The following MYO5B variants were observed in gnomAD, a reference collection of about 807,000 sequenced individuals.
The protein encoded by MYO5B is myosin VB.
Under a neutral mutation model 229.3 loss-of-function variants are expected in MYO5B, and 143 were observed. That is an observed-to-expected ratio of 0.62 (90% CI 0.54 to 0.72). The LOEUF (loss-of-function observed/expected upper bound fraction) is 0.72, where lower values mean the gene tolerates loss of function less well. MYO5B is among the 30% of genes least tolerant of loss of function. MYO5B has a pLI of 0.00. For missense variants in MYO5B, 2,321 were observed against 2,331.0 expected, an observed-to-expected ratio of 1.00 and a Z score of 0.09; for synonymous variants, 918 against 885.2, an observed-to-expected ratio of 1.04 and a Z score of -0.66.
At chr18:49,937,188 C>G in intron 15 of MYO5B, 57 bp downstream of exon 15, 1 of 1,601,802 alleles carries the variant, frequency 6.2e-7, no homozygotes, top group Non-Finnish European at 8.6e-7. Flanking sequence ...CCTTCATCTA[C>G]AGAGAGGCCA....
At chr18:50,106,465 G>A (rs1256827893) in intron 1 of MYO5B, among the ~76,000 whole-genome samples, 1 of 152,186 alleles carries the variant, frequency 6.6e-6, no homozygotes, top group African/African-American at 2.4e-5. Context: ...CTGTCCAGAG[G>A]TTTCTGCCTA....
In MYO5B at chr18:49,863,334, A is replaced by C. The variant is rs2024354490; in HGVS notation, c.3844-7T>G. ...TGGCATTAATGTTCGGCTCCTAGAA[A>C]GCCCCAGATAAAAAAATAACTCTGG... On this transcript the variant is annotated splice_region_variant and splice_polypyrimidine_tract_variant and intron_variant, in intron 28 of 39. Transcript: ENST00000285039. 1 of 1,612,892 alleles carries C rather than the reference A, an allele frequency of 6.2e-7. No homozygotes were observed. Among genetic ancestry groups the C allele is most frequent in the Non-Finnish European group, 8.5e-7 (1 of 1,179,364 alleles).
intron 2 of MYO5B, 33 bp downstream of exon 2, chr18:50,055,235 A>ACCCCCCCCCCCCCCCCCCCG: frequency 2.8e-6 from 1 of 353,290 alleles, no homozygotes; most frequent in Non-Finnish European, 5.7e-6. Context: ...GCCCCACCTC[A>ACCCCCCCCCCCCCCCCCCCG]CCCCCGCCCC....
intron 6 of MYO5B, among the ~76,000 whole-genome samples, chr18:49,991,465 A>C (rs1231301273): frequency 6.6e-6 from 1 of 152,160 alleles, no homozygotes; most frequent in East Asian, 1.9e-4. Flanking sequence ...GAGGACTTCT[A>C]TCGGCGTTGT....
chr18:50,153,046 G>A (rs2032624785), intron 1 of MYO5B, among the ~76,000 whole-genome samples: 1 of 152,104 alleles, frequency 6.6e-6, no homozygotes, highest in African/African-American at 2.4e-5. Flanking sequence ...GATTTCAGGT[G>A]GCTGTCTTAT....
At chr18:50,179,534 G>C (rs373339211) in intron 1 of MYO5B, among the ~76,000 whole-genome samples, 1 of 152,188 alleles carries the variant, frequency 6.6e-6, no homozygotes, top group South Asian at 2.1e-4. Flanking sequence ...ACGGTGCATA[G>C]TGGAGCCAAT....
chr18:50,076,318 C>T (rs138914963), intron 1 of MYO5B, among the ~76,000 whole-genome samples: 7 of 152,156 alleles, frequency 4.6e-5, no homozygotes, highest in Non-Finnish European at 7.4e-5. Flanking sequence ...TGGCAGTGGA[C>T]GATCATACCA....
intron 22 of MYO5B, among the ~76,000 whole-genome samples, chr18:49,888,190 A>T (rs2024666898): frequency 1.3e-5 from 2 of 151,566 alleles, no homozygotes; most frequent in African/African-American, 4.9e-5. Context: ...GGAGTAAGGG[A>T]CTCTCCTGTG....
At chr18:49,970,884 G>A (rs1263746498) in intron 10 of MYO5B, 1 of 152,164 alleles carries the variant, frequency 6.6e-6, no homozygotes, top group East Asian at 1.9e-4. Flanking sequence ...CTTCCCGGAT[G>A]TGGCTGGCTG....
Position 49,904,553 on chromosome 18 carries a change from G to C in MYO5B, c.2571+119C>G, listed in dbSNP as rs147408846. On this transcript the variant is annotated intron_variant, in intron 20 of 39. Transcript: ENST00000285039. ...GAAAGGATTTGGTGAGAGCAGAGATGTGAAAGCATTTAGAAAAAAGTTGGG... is the reference window on the plus strand; with the variant it reads ...GAAAGGATTTGGTGAGAGCAGAGATCTGAAAGCATTTAGAAAAAAGTTGGG... 89 of 1,247,658 alleles carry C rather than the reference G, an allele frequency of 7.1e-5. No individual in the cohort carries two copies. In the African/African-American group the frequency reaches 1.2e-3, roughly 17 times the overall value. The allele number at this position is 1,247,658 out of a possible 1,614,324, so 77.3% of individuals were successfully genotyped here.
At chr18:49,887,272 C>A (rs1456855726) in intron 22 of MYO5B, among the ~76,000 whole-genome samples, 1 of 152,070 alleles carries the variant, frequency 6.6e-6, no homozygotes, top group Non-Finnish European at 1.5e-5. Context: ...GCACTCTGTG[C>A]TGGTCAGATG....
At chr18:50,138,467 A>T (rs1220672381) in intron 1 of MYO5B, among the ~76,000 whole-genome samples, 4 of 152,188 alleles carry the variant, frequency 2.6e-5, no homozygotes, top group Non-Finnish European at 4.4e-5. Context: ...AAGAACAGAG[A>T]CTGCAGAAGA....
intron 8 of MYO5B, among the ~76,000 whole-genome samples, chr18:49,984,250 G>A (rs2025846561): frequency 6.6e-6 from 1 of 152,208 alleles, no homozygotes. Flanking sequence ...AAACAGAGCT[G>A]ACAGAATTAA....
chr18:50,077,322 G>T (rs2031107102), intron 1 of MYO5B, among the ~76,000 whole-genome samples: 1 of 152,022 alleles, frequency 6.6e-6, no homozygotes. Context: ...CATAAACAGG[G>T]TTACAGGAAC....
At chr18:49,855,018 T>C (rs947827459) in intron 30 of MYO5B, among the ~76,000 whole-genome samples, 8 of 152,094 alleles carry the variant, frequency 5.3e-5, no homozygotes, top group African/African-American at 1.9e-4. Context: ...TAAAGAAAAA[T>C]AACATGAGAT....
At chr18:50,072,948 C>T (rs2030993318) in intron 1 of MYO5B, among the ~76,000 whole-genome samples, 2 of 152,126 alleles carry the variant, frequency 1.3e-5, no homozygotes, top group Admixed American at 1.3e-4. Context: ...AGGCCATCAG[C>T]TGAGTTGAAG....
intron 17 of MYO5B, among the ~76,000 whole-genome samples, chr18:49,924,680 G>A (rs956072413): frequency 1.3e-5 from 2 of 152,140 alleles, no homozygotes; most frequent in African/African-American, 4.8e-5. Flanking sequence ...TCCTGCACAC[G>A]AGCAGTAAGA....
chr18:49,974,819 A>ACACACACACACACACACACACG (rs1340944787), intron 9 of MYO5B, among the ~76,000 whole-genome samples: 2 of 151,678 alleles, frequency 1.3e-5, no homozygotes, highest in Non-Finnish European at 2.9e-5. Flanking sequence ...ACACACACAC[A>ACACACACACACACACACACACG]CACACACACT....
chr18:49,864,715 T>G (rs2024376705), intron 27 of MYO5B, among the ~76,000 whole-genome samples: 1 of 152,238 alleles, frequency 6.6e-6, no homozygotes, highest in Non-Finnish European at 1.5e-5. Context: ...TGACATATAG[T>G]AAACATAAGA....
Sources: gnomAD v4.1 joint callset for allele counts (sites outside exome capture counted in the v4.1 genomes callset) on GRCh38, gnomAD v4.1.1 for gene constraint, MANE v1.5 for transcripts, NCBI Gene and HGNC (gene_info 2026-07-23, HGNC 2026-07-21) for gene names.